ZNF423: variants seen among roughly 807,000 people sequenced by gnomAD.
ZNF423 encodes the protein zinc finger protein 423, also known as Ebf-associated zinc finger protein.
In ZNF423, 12 loss-of-function variants were observed where a neutral mutation model predicts 95.8. That is an observed-to-expected ratio of 0.13 (90% confidence interval 0.08 to 0.20). ZNF423 has a LOEUF of 0.20. Among genes scored for constraint, ZNF423 ranks in the 10% least tolerant of loss-of-function variants. The pLI is 1.00. For synonymous variants in ZNF423, 749 were observed against 711.9 expected, an observed-to-expected ratio of 1.05 and a Z score of -0.83; for missense variants, 1,316 against 1,737.1, an observed-to-expected ratio of 0.76 and a Z score of 4.31.
intron 3 of ZNF423, among the ~76,000 whole-genome samples, chr16:49,724,270 T>A (rs957484578): frequency 2.0e-5 from 3 of 152,208 alleles, no homozygotes; most frequent in Non-Finnish European, 4.4e-5. Context: ...GTGGCTGACA[T>A]AACGGGACCA....
intron 3 of ZNF423, among the ~76,000 whole-genome samples, chr16:49,674,303 T>G (rs918188113): frequency 6.6e-6 from 1 of 152,134 alleles, no homozygotes; most frequent in Non-Finnish European, 1.5e-5. Context: ...CTAAAGCAAG[T>G]GTCACCGAGT....
chr16:49,592,646 G>A (rs575528391), intron 5 of ZNF423, among the ~76,000 whole-genome samples: 8 of 152,302 alleles, frequency 5.3e-5, no homozygotes, highest in African/African-American at 1.2e-4. Flanking sequence ...GCCTATCCTC[G>A]TCACCCACAC....
intron 5 of ZNF423, among the ~76,000 whole-genome samples, chr16:49,550,868 G>C (rs1359782902): frequency 1.3e-5 from 2 of 152,260 alleles, no homozygotes; most frequent in Non-Finnish European, 2.9e-5. Flanking sequence ...GTCACACACA[G>C]AGAAGGCGAG....
At chr16:49,573,116 T>C (rs971166032) in intron 5 of ZNF423, among the ~76,000 whole-genome samples, 1 of 152,038 alleles carries the variant, frequency 6.6e-6, no homozygotes. Context: ...GGACGATGGA[T>C]GATGGGTGGA....
At chr16:49,610,161 C>G (rs892595956) in intron 5 of ZNF423, among the ~76,000 whole-genome samples, 5 of 152,076 alleles carry the variant, frequency 3.3e-5, no homozygotes, top group Admixed American at 3.3e-4. Context: ...GAATGCGTCA[C>G]CAGCAGAATC....
chr16:49,630,288 G>A (rs1596745794), intron 4 of ZNF423, among the ~76,000 whole-genome samples: 1 of 152,188 alleles, frequency 6.6e-6, no homozygotes, highest in Non-Finnish European at 1.5e-5. Flanking sequence ...CAGGGCCATG[G>A]TCGTGGAGAT....
chr16:49,801,456 C>T (rs1193955209), intron 1 of ZNF423, among the ~76,000 whole-genome samples: 1 of 152,226 alleles, frequency 6.6e-6, no homozygotes, highest in Non-Finnish European at 1.5e-5. Flanking sequence ...TTCTAGCTTT[C>T]AGGCCCTGGA....
chr16:49,854,836 G>T (rs892199001), intron 1 of ZNF423: 6 of 985,268 alleles, frequency 6.1e-6, no homozygotes, highest in South Asian at 4.7e-5. Flanking sequence ...ATGGGTGTGT[G>T]TATCTATATA....
intron 5 of ZNF423, among the ~76,000 whole-genome samples, chr16:49,592,373 C>T (rs1971037009): frequency 6.6e-6 from 1 of 152,158 alleles, no homozygotes. Flanking sequence ...GGCAGTTCAG[C>T]TGAAATTATA....
chr16:49,782,961 T>TAA (rs767807245), intron 2 of ZNF423, among the ~76,000 whole-genome samples: 7 of 117,032 alleles, frequency 6.0e-5, no homozygotes, highest in South Asian at 5.5e-4. Flanking sequence ...CTGTCTCAAT[T>TAA]AAAAAAAAAA....
chr16:49,607,821 A>G (rs9935830), intron 5 of ZNF423, among the ~76,000 whole-genome samples: 7,718 of 152,248 alleles, frequency 0.051, 683 homozygotes, highest in African/African-American at 0.17. Flanking sequence ...ACAGCTTCCT[A>G]AGGCCCCACC....
intron 5 of ZNF423, among the ~76,000 whole-genome samples, chr16:49,566,501 G>T (rs1264786133): frequency 6.6e-6 from 1 of 152,208 alleles, no homozygotes; most frequent in Non-Finnish European, 1.5e-5. Context: ...AAGAAGGGCT[G>T]CAGGAGGCCT....
At chr16:49,629,771 T>A (rs925260606) in intron 4 of ZNF423, among the ~76,000 whole-genome samples, 5 of 152,216 alleles carry the variant, frequency 3.3e-5, no homozygotes, top group Non-Finnish European at 4.4e-5. Flanking sequence ...CAGAATAACA[T>A]ATGCAGAGGA....
chr16:49,569,305 C>G (rs1215835821), intron 5 of ZNF423, among the ~76,000 whole-genome samples: 1 of 152,198 alleles, frequency 6.6e-6, no homozygotes, highest in Non-Finnish European at 1.5e-5. Flanking sequence ...GTCAGAATGC[C>G]CCATGGGGGT....
At chr16:49,764,275 G>A (rs2033886299) in intron 2 of ZNF423, among the ~76,000 whole-genome samples, 1 of 152,140 alleles carries the variant, frequency 6.6e-6, no homozygotes, top group African/African-American at 2.4e-5. Flanking sequence ...GCTGCACTGG[G>A]TCCCACTCAC....
chr16:49,859,188 A>T (rs1177513673), upstream of ZNF423, among the ~76,000 whole-genome samples: 1 of 152,014 alleles, frequency 6.6e-6, no homozygotes, highest in Non-Finnish European at 1.5e-5. Context: ...TTCCACCCCT[A>T]GGGGCCTGCT....
intron 1 of ZNF423, among the ~76,000 whole-genome samples, chr16:49,794,738 C>G (rs2034472457): frequency 2.0e-5 from 3 of 152,230 alleles, no homozygotes; most frequent in Admixed American, 2.0e-4. Context: ...CCGAACACCT[C>G]TCATTATTCC....
chr16:49,673,627 G>A (rs568338242), intron 3 of ZNF423, among the ~76,000 whole-genome samples: 1 of 152,344 alleles, frequency 6.6e-6, no homozygotes, highest in East Asian at 1.9e-4. Flanking sequence ...AAACACATGG[G>A]CACACGTGTG....
chr16:49,757,269 C>T (rs1390535237), intron 2 of ZNF423, among the ~76,000 whole-genome samples: 2 of 152,164 alleles, frequency 1.3e-5, no homozygotes, highest in African/African-American at 4.8e-5. Flanking sequence ...TCCATAGGTT[C>T]GTGATGCTCT....
Sources: allele counts gnomAD v4.1 joint callset (sites outside exome capture counted in the v4.1 genomes callset), GRCh38; gene constraint gnomAD v4.1.1; transcripts MANE v1.5; gene names NCBI Gene and HGNC (gene_info 2026-07-23, HGNC 2026-07-21).